The following PRKCB variants were observed in gnomAD, a reference collection of about 807,000 sequenced individuals.
PRKCB encodes protein kinase C beta.
A neutral mutation model predicts 81.5 loss-of-function variants in PRKCB; 13 were observed. That is an observed-to-expected ratio of 0.16 (90% confidence interval 0.10 to 0.25). PRKCB has a LOEUF of 0.25. Ranked by LOEUF, PRKCB falls within the 10% of genes least tolerant of loss-of-function variation. The pLI, the probability that PRKCB is intolerant of heterozygous loss-of-function variation, is 1.00. For synonymous variants in PRKCB, 335 were observed against 321.4 expected, an observed-to-expected ratio of 1.04 and a Z score of -0.45; for missense variants, 509 against 875.7, an observed-to-expected ratio of 0.58 and a Z score of 5.29.
intron 2 of PRKCB, among the ~76,000 whole-genome samples, chr16:23,966,666 A>G (rs575382207): frequency 1.1e-4 from 16 of 152,272 alleles, no homozygotes; most frequent in Admixed American, 9.2e-4. Flanking sequence ...TCTGCAGGAG[A>G]CTAGAAGGGG....
Position 24,032,166 on chromosome 16 carries a change from C to A in PRKCB, c.319C>A (p.His107Asn), listed in dbSNP as rs1330128361. ...CCGCAGCAAACACAAGTTTAAGATC[C>A]ACACGTACTCCAGCCCCACGTTTTG... ...DPRSKHKFKIHTYSSPTFCDH... is the reference protein window; with the variant it reads ...DPRSKHKFKINTYSSPTFCDH... Residue 107 changes from histidine (H) to asparagine (N), a missense_variant, in exon 4 of 17, where the codon CAC becomes AAC. This residue lies in a region of PRKCB where 184 missense variants were observed against 362.9 expected (regional missense o/e 0.51). Coordinates refer to ENST00000643927, the MANE Select transcript of PRKCB (RefSeq NM_002738.7). 1 of 1,613,512 alleles carries A rather than the reference C, an allele frequency of 6.2e-7. No individual in the cohort carries two copies. The highest frequency in any genetic ancestry group is 8.5e-7 in the Non-Finnish European group (1 of 1,179,732).
At chr16:23,981,330 C>T (rs1964699468) in intron 2 of PRKCB, among the ~76,000 whole-genome samples, 1 of 152,026 alleles carries the variant, frequency 6.6e-6, no homozygotes, top group Non-Finnish European at 1.5e-5. Flanking sequence ...CGAGTCTCTT[C>T]CCTCCCTCCT....
intron 2 of PRKCB, among the ~76,000 whole-genome samples, chr16:23,894,575 T>C (rs1963343673): frequency 6.6e-6 from 1 of 152,206 alleles, no homozygotes; most frequent in Non-Finnish European, 1.5e-5. Flanking sequence ...GTCTTGAATG[T>C]CCAGCTTCCA....
chr16:23,867,063 TCTTTCTTTCTTTC>T (rs1962817898), intron 2 of PRKCB, among the ~76,000 whole-genome samples: 1 of 92,584 alleles, frequency 1.1e-5, no homozygotes, highest in African/African-American at 4.2e-5. Context: ...TCTCTCTCTC[TCTTTCTTTCTTTC>T]TCTTTCTTTC....
intron 9 of PRKCB, among the ~76,000 whole-genome samples, chr16:24,141,442 T>G (rs1966900836): frequency 6.6e-6 from 1 of 152,166 alleles, no homozygotes; most frequent in South Asian, 2.1e-4. Context: ...GTGATCCACC[T>G]GCCTCAGCCT....
At chr16:23,978,319 C>T (rs1446435352) in intron 2 of PRKCB, among the ~76,000 whole-genome samples, 1 of 152,218 alleles carries the variant, frequency 6.6e-6, no homozygotes, top group Non-Finnish European at 1.5e-5. Flanking sequence ...TCACACCAGC[C>T]TTGCATCACT....
rs1343800669 is a variant in PRKCB, at chr16:24,215,550, C to T, written c.*734C>T. The T allele has an allele frequency of 5.1e-6, 5 of 985,488 alleles. No homozygotes were observed. Among genetic ancestry groups the T allele is most frequent in the Non-Finnish European group, 6.0e-6 (5 of 829,900 alleles). The allele number at this position is 985,488 out of a possible 1,614,324, so 61.0% of individuals were successfully genotyped here. The stretch of plus-strand genomic sequence containing the variant: ...ACCACTCTCTGAAACAACACAGTCA[C>T]TCTAGCAAGGCCCCCAAAGGGCCCT... On this transcript the variant is annotated 3_prime_UTR_variant, in exon 17 of 17. Coordinates refer to ENST00000643927, the MANE Select transcript of PRKCB (RefSeq NM_002738.7).
intron 2 of PRKCB, among the ~76,000 whole-genome samples, chr16:23,924,362 TCAA>T (rs1193334064): frequency 3.3e-5 from 5 of 151,988 alleles, no homozygotes; most frequent in African/African-American, 1.2e-4. Flanking sequence ...TCGGGTAGTA[TCAA>T]GATAGCAGTG....
intron 7 of PRKCB, among the ~76,000 whole-genome samples, chr16:24,096,210 G>A (rs554941331): frequency 1.3e-5 from 2 of 152,174 alleles, no homozygotes; most frequent in South Asian, 4.1e-4. Flanking sequence ...GCAGTGAGCC[G>A]AGATCATGCC....
At chr16:24,141,206 G>A (rs920350930) in intron 9 of PRKCB, among the ~76,000 whole-genome samples, 1 of 151,830 alleles carries the variant, frequency 6.6e-6, no homozygotes, top group Non-Finnish European at 1.5e-5. Flanking sequence ...TTTATTTTTT[G>A]TTTTTTGAGA....
At chr16:23,984,426 CCCAA>C (rs1226989564) in intron 2 of PRKCB, among the ~76,000 whole-genome samples, 1 of 152,098 alleles carries the variant, frequency 6.6e-6, no homozygotes, top group Non-Finnish European at 1.5e-5. Context: ...AATTCACATT[CCCAA>C]CCAATAAGTA....
chr16:23,836,071 C>T lies in PRKCB; in HGVS notation c.-105C>T. 1 of 854,136 alleles carries T rather than the reference C, an allele frequency of 1.2e-6. No homozygotes were observed. Among genetic ancestry groups the T allele is most frequent in the Non-Finnish European group, 1.4e-6 (1 of 710,056 alleles). 52.9% of individuals were successfully genotyped at this position (854,136 alleles called of 1,614,324 possible). Reference sequence around the variant, plus strand: ...GGCGCAGGGGAAGCGCCCGCGGCCCCGGGTGCAGCAGCGGCCGCCGCCTCC... The same window carrying T: ...GGCGCAGGGGAAGCGCCCGCGGCCCTGGGTGCAGCAGCGGCCGCCGCCTCC... On this transcript the variant is annotated 5_prime_UTR_variant, in exon 1 of 17. Coordinates refer to ENST00000643927, the MANE Select transcript of PRKCB (RefSeq NM_002738.7).
rs1966694622 is a variant in PRKCB, at chr16:24,113,081, T to C, written c.918+12T>C. On this transcript the variant is annotated intron_variant, in intron 8 of 16. Transcript: ENST00000643927. ...GGCAGAAATTTGAGGTGAGGTTTCT[T>C]TTCTTTTTCTCTTCTTTCTTTTTTC... The C allele has an allele frequency of 1.3e-6, 2 of 1,595,984 alleles. No individual in the cohort carries two copies. Among genetic ancestry groups the C allele is most frequent in the African/African-American group, 1.4e-5 (1 of 73,952 alleles).
intron 2 of PRKCB, among the ~76,000 whole-genome samples, chr16:23,864,267 G>C (rs924330483): frequency 1.3e-5 from 2 of 152,112 alleles, no homozygotes; most frequent in Non-Finnish European, 2.9e-5. Flanking sequence ...TTGCTGTATT[G>C]CTAGAAGTAT....
chr16:24,170,285 C>T (rs1967421587), intron 10 of PRKCB, among the ~76,000 whole-genome samples: 1 of 151,182 alleles, frequency 6.6e-6, no homozygotes, highest in Non-Finnish European at 1.5e-5. Flanking sequence ...AATAAATAAC[C>T]ATCAAGTTCA....
intron 2 of PRKCB, among the ~76,000 whole-genome samples, chr16:23,958,974 G>A (rs183589885): frequency 7.9e-5 from 12 of 152,104 alleles, no homozygotes; most frequent in Non-Finnish European, 1.0e-4. Flanking sequence ...TAGGTACCTC[G>A]GGCAAGTTAC....
At chr16:23,961,337 T>C (rs1964423545) in intron 2 of PRKCB, among the ~76,000 whole-genome samples, 1 of 152,250 alleles carries the variant, frequency 6.6e-6, no homozygotes, top group Admixed American at 6.5e-5. Flanking sequence ...ATCACATACT[T>C]GGGAATCTTA....
At chr16:24,124,740 AC>A (rs1337982488) in intron 9 of PRKCB, among the ~76,000 whole-genome samples, 4 of 152,188 alleles carry the variant, frequency 2.6e-5, no homozygotes, top group Non-Finnish European at 5.9e-5. Flanking sequence ...TAAATCTCAT[AC>A]CATGAACTCA....
At position 24,185,444 on chromosome 16, in the gene PRKCB, C is replaced by T. The variant is rs375870315; in HGVS notation, c.1615-16C>T. 4.4e-6 allele frequency: 7 copies of T among 1,608,210 alleles called. No individual in the cohort carries two copies. The Admixed American group carries it at 6.7e-5, about 15-fold the overall frequency. On this transcript the variant is annotated splice_polypyrimidine_tract_variant and intron_variant, in intron 14 of 16. Transcript: ENST00000643927. ...AAGCAGGGATTCTTCTCCTCCCACC[C>T]TCCCCTGTCATACAGGCACCCTTTG...
Sources: allele counts gnomAD v4.1 joint callset (sites outside exome capture counted in the v4.1 genomes callset), GRCh38; gene constraint gnomAD v4.1.1; regional missense constraint gnomAD v4.1.1; transcripts MANE v1.5; gene names NCBI Gene and HGNC (gene_info 2026-07-23, HGNC 2026-07-21).